Variants in GABARAPL2 observed in about 807,000 individuals in gnomAD.
GABARAPL2 encodes GABA type A receptor associated protein like 2, also known as gamma-aminobutyric acid receptor-associated protein-like 2.
A neutral mutation model predicts 16.9 loss-of-function variants in GABARAPL2; 11 were observed. The ratio of observed to expected loss-of-function variants is 0.65; its 90% CI spans 0.41 to 1.08. GABARAPL2 has a LOEUF of 1.08. GABARAPL2 is among the 50% of genes least tolerant of loss of function. The pLI is 0.00. For synonymous variants in GABARAPL2, 57 were observed against 50.7 expected, an observed-to-expected ratio of 1.12 and a Z score of -0.53; for missense variants, 134 against 142.5, an observed-to-expected ratio of 0.94 and a Z score of 0.30.
At chr16:75,573,853 C>G (rs1241250653) in intron 3 of GABARAPL2, among the ~76,000 whole-genome samples, 1 of 152,230 alleles carries the variant, frequency 6.6e-6, no homozygotes, top group Non-Finnish European at 1.5e-5. Context: ...TTTAGAATCT[C>G]TGTGCCTCAG....
At chr16:75,574,499 G>C (rs1052774663) in intron 3 of GABARAPL2, among the ~76,000 whole-genome samples, 44 of 152,132 alleles carry the variant, frequency 2.9e-4, no homozygotes, top group African/African-American at 1.0e-3. Flanking sequence ...AGTAGCTGTA[G>C]TTGTTTTCCC....
At chr16:75,573,099 C>T (rs1263559960) in intron 3 of GABARAPL2, among the ~76,000 whole-genome samples, 2 of 152,216 alleles carry the variant, frequency 1.3e-5, no homozygotes, top group Non-Finnish European at 2.9e-5. Context: ...CTGTGTATAG[C>T]TCAGGCCTCC....
chr16:75,575,246 A>G (rs1327413149), intron 3 of GABARAPL2, among the ~76,000 whole-genome samples: 1 of 152,060 alleles, frequency 6.6e-6, no homozygotes, highest in Non-Finnish European at 1.5e-5. Flanking sequence ...CCACATATGT[A>G]ATTTAAGAAT....
rs77896477 is a variant in GABARAPL2 at position 75,573,777 on chromosome 16, C to A, written c.264-3502C>A. Among the ~76,000 whole-genome samples the A allele has an allele frequency of 9.1e-3, 1,383 of 152,306 alleles. 27 individuals are homozygous for A. The highest frequency in any genetic ancestry group is 0.028 in the African/African-American group (1,152 of 41,566). On this transcript the variant is annotated intron_variant, in intron 3 of 3. Transcript: ENST00000037243. ...CTAATGTTAGGTCATCAGAGCAGAT[C>A]TAGCTGTCTAATCACTTGGAGGCAG...
At chr16:75,567,264 G>C (rs899029930) in intron 2 of GABARAPL2, among the ~76,000 whole-genome samples, 5 of 152,208 alleles carry the variant, frequency 3.3e-5, no homozygotes, top group African/African-American at 4.8e-5. Context: ...TGGTACTTGA[G>C]TCTCAGGACG....
chr16:75,568,364 G>T, intron 3 of GABARAPL2, 155 bp downstream of exon 3: 1 of 559,246 alleles, frequency 1.8e-6, no homozygotes, highest in South Asian at 2.7e-5. Context: ...GGAAAATAAT[G>T]GCTGCAATAC....
In GABARAPL2 at chr16:75,577,482, A is replaced by G; in HGVS notation, c.*113A>G. 3 of 681,478 alleles carry G rather than the reference A, an allele frequency of 4.4e-6. No homozygotes were observed. Among genetic ancestry groups the G allele is most frequent in the Non-Finnish European group, 2.7e-6 (1 of 372,440 alleles). The allele number at this position is 681,478 out of a possible 1,614,324, so 42.2% of individuals were successfully genotyped here. On this transcript the variant is annotated 3_prime_UTR_variant, in exon 4 of 4. Transcript: ENST00000037243. ...ACATAGACCTATTAGTGCATTTGTA[A>G]CTGGATTTATTTCTTAATATATTGG...
intron 3 of GABARAPL2, chr16:75,576,278 C>A (rs1327337075): frequency 6.6e-6 from 1 of 152,192 alleles, no homozygotes; most frequent in Admixed American, 6.5e-5. Flanking sequence ...AAACCTCCCC[C>A]TTCATAAATG....
At chr16:75,571,381 A>T (rs1275450066) in intron 3 of GABARAPL2, among the ~76,000 whole-genome samples, 1 of 152,200 alleles carries the variant, frequency 6.6e-6, no homozygotes, top group African/African-American at 2.4e-5. Context: ...CAGTAAAAGG[A>T]AGTTGTGATG....
intron 1 of GABARAPL2, 100 bp downstream of exon 1, chr16:75,566,620 G>T (rs867034055): frequency 2.2e-6 from 3 of 1,361,208 alleles, no homozygotes; most frequent in Non-Finnish European, 2.0e-6. Context: ...CGGGGCGGAT[G>T]CCCTGCTGCG....
At chr16:75,571,620 T>C (rs1211242421) in intron 3 of GABARAPL2, among the ~76,000 whole-genome samples, 2 of 151,916 alleles carry the variant, frequency 1.3e-5, no homozygotes, top group Admixed American at 1.3e-4. Flanking sequence ...TTTAGAAATG[T>C]GCTTAAAGCA....
intron 2 of GABARAPL2, among the ~76,000 whole-genome samples, chr16:75,567,535 A>G (rs1197854673): frequency 1.3e-5 from 2 of 152,218 alleles, no homozygotes; most frequent in Non-Finnish European, 2.9e-5. Context: ...GTCTGGGGAA[A>G]GGAGTAGGAG....
chr16:75,566,834 C>A lies in GABARAPL2; in HGVS notation c.35-18C>A, dbSNP rs773809839. 2.5e-6 allele frequency: 4 copies of A among 1,611,414 alleles called. 1 individual carries two copies. In the South Asian group the frequency reaches 4.4e-5, roughly 18 times the overall value. On this transcript the variant is annotated intron_variant, in intron 1 of 3. Transcript: ENST00000037243. Reference sequence around the variant, plus strand: ...GGTGGGCAGGCGCGGCCGTCAGCCCCGTTTGTTTCTCCCACAGAACACAGA... The same window carrying A: ...GGTGGGCAGGCGCGGCCGTCAGCCCAGTTTGTTTCTCCCACAGAACACAGA...
intron 1 of GABARAPL2, 109 bp downstream of exon 1, chr16:75,566,629 C>T (rs1361685727): frequency 4.7e-6 from 6 of 1,281,834 alleles, no homozygotes; most frequent in Non-Finnish European, 6.6e-6. Context: ...TGCCCTGCTG[C>T]GGGCTGGAGT....
At chr16:75,566,825 C>A in intron 1 of GABARAPL2, 27 bp from the exon 2 acceptor site, 2 of 1,607,870 alleles carry the variant, frequency 1.2e-6, no homozygotes, top group South Asian at 2.2e-5. Flanking sequence ...CAGGCGCGGC[C>A]GTCAGCCCCG....
Position 75,577,356 on chromosome 16 carries a change from CT to C in GABARAPL2, c.345del (p.Phe115LeufsTer21). On this transcript the variant is annotated frameshift_variant, in exon 4 of 4. Coordinates refer to ENST00000037243, the MANE Select transcript of GABARAPL2 (RefSeq NM_007285.7). LOFTEE classifies it high-confidence loss of function. Reference protein sequence around the residue: ...FLYVAYSGENTFGF With the variant: ...FLYVAYSGENXFGF Reference sequence around the variant, plus strand: ...TATGTGGCCTACAGCGGAGAGAACACTTTTGGCTTCTGAGGGCCATTGCTGG... The same window carrying C: ...TATGTGGCCTACAGCGGAGAGAACACTTTGGCTTCTGAGGGCCATTGCTGG... The C allele has an allele frequency of 6.2e-7, 1 of 1,606,454 alleles. No individual in the cohort carries two copies. The highest frequency in any genetic ancestry group is 8.5e-7 in the Non-Finnish European group (1 of 1,173,012).
chr16:75,570,830 A>T (rs1183867537), intron 3 of GABARAPL2, among the ~76,000 whole-genome samples: 2 of 152,208 alleles, frequency 1.3e-5, no homozygotes, highest in Admixed American at 6.5e-5. Flanking sequence ...GGAAAGTTGA[A>T]TTCTCTGCCT....
At chr16:75,566,939 G>A in intron 2 of GABARAPL2, 32 bp downstream of exon 2, 1 of 1,571,108 alleles carries the variant, frequency 6.4e-7, no homozygotes, top group Middle Eastern at 1.7e-4. Flanking sequence ...TCACCTCGCT[G>A]TCACCTCTGT....
intron 3 of GABARAPL2, among the ~76,000 whole-genome samples, chr16:75,573,441 G>T (rs764075782): frequency 4.1e-4 from 63 of 152,328 alleles, no homozygotes; most frequent in African/African-American, 1.4e-3. Context: ...TGAGCATTCA[G>T]TTACCAAGTT....
Sources: gnomAD v4.1 joint callset for allele counts (sites outside exome capture counted in the v4.1 genomes callset) on GRCh38, gnomAD v4.1.1 for gene constraint, MANE v1.5 for transcripts, NCBI Gene and HGNC (gene_info 2026-07-23, HGNC 2026-07-21) for gene names.